PTPRE: variants seen among roughly 807,000 people sequenced by gnomAD.
The protein encoded by PTPRE is receptor-type tyrosine-protein phosphatase epsilon.
Under a neutral mutation model 102.0 loss-of-function variants are expected in PTPRE, and 51 were observed. The ratio of observed to expected loss-of-function variants is 0.50; its 90% CI spans 0.40 to 0.63. The LOEUF (loss-of-function observed/expected upper bound fraction) is 0.63. PTPRE is among the 30% of genes least tolerant of loss of function. The pLI, the probability that PTPRE is intolerant of heterozygous loss-of-function variation, is 0.00. For synonymous variants in PTPRE, 345 were observed against 348.2 expected, an observed-to-expected ratio of 0.99 and a Z score of 0.10; for missense variants, 752 against 915.1, an observed-to-expected ratio of 0.82 and a Z score of 2.30.
chr10:127,911,560 G>T (rs1432188814), intron 1 of PTPRE, among the ~76,000 whole-genome samples: 1 of 152,212 alleles, frequency 6.6e-6, no homozygotes, highest in Non-Finnish European at 1.5e-5. Flanking sequence ...ACTTCACTTT[G>T]CTTATCCAAA....
chr10:128,067,145 GCACA>G (rs71889727), intron 11 of PTPRE, among the ~76,000 whole-genome samples: 1 of 143,242 alleles, frequency 7.0e-6, no homozygotes, highest in African/African-American at 2.6e-5. Context: ...ACACACATGT[GCACA>G]CACACCCCAC....
chr10:128,063,436 GCCCC>G (rs1350422737), intron 10 of PTPRE, among the ~76,000 whole-genome samples: 1 of 152,138 alleles, frequency 6.6e-6, no homozygotes, highest in Non-Finnish European at 1.5e-5. Context: ...AGTAAGAGTG[GCCCC>G]CGGCTGGCCC....
intron 11 of PTPRE, among the ~76,000 whole-genome samples, chr10:128,067,329 CACAT>C (rs1449047355): frequency 5.5e-5 from 8 of 144,350 alleles, no homozygotes; most frequent in East Asian, 4.2e-4. Context: ...CATGTGCACA[CACAT>C]ACATCCACAC....
chr10:127,996,602 T>A (rs1214637779), intron 2 of PTPRE, among the ~76,000 whole-genome samples: 2 of 152,324 alleles, frequency 1.3e-5, no homozygotes, highest in East Asian at 3.9e-4. Context: ...CCCATCCAGC[T>A]AGTATGCCTC....
chr10:128,065,562 T>G (rs562203654), intron 10 of PTPRE, among the ~76,000 whole-genome samples: 8 of 152,260 alleles, frequency 5.3e-5, no homozygotes, highest in Non-Finnish European at 8.8e-5. Flanking sequence ...TAGAGAAAAA[T>G]GAAGATCGTT....
intron 1 of PTPRE, among the ~76,000 whole-genome samples, chr10:127,913,528 T>G (rs1485499669): frequency 6.6e-6 from 1 of 152,226 alleles, no homozygotes; most frequent in Non-Finnish European, 1.5e-5. Flanking sequence ...TTTGGCGTCC[T>G]CTCACTCCAG....
intron 20 of PTPRE, among the ~76,000 whole-genome samples, chr10:128,082,346 G>A (rs1851801332): frequency 6.6e-6 from 1 of 150,676 alleles, no homozygotes; most frequent in South Asian, 2.1e-4. Flanking sequence ...CAAGTAGCTG[G>A]GACTATGGGT....
At chr10:128,051,727 CA>C (rs1848580024) in intron 6 of PTPRE, among the ~76,000 whole-genome samples, 1 of 152,268 alleles carries the variant, frequency 6.6e-6, no homozygotes, top group African/African-American at 2.4e-5. Context: ...CTTGGCTGAA[CA>C]TTGGAGTCCT....
intron 17 of PTPRE, among the ~76,000 whole-genome samples, chr10:128,076,131 G>C (rs557991797): frequency 2.0e-4 from 30 of 152,314 alleles, no homozygotes; most frequent in African/African-American, 7.0e-4. Context: ...AAAGTGAAAA[G>C]ATATTTCTTC....
At chr10:127,921,358 T>C (rs879471747) in intron 1 of PTPRE, among the ~76,000 whole-genome samples, 7 of 151,950 alleles carry the variant, frequency 4.6e-5, no homozygotes, top group Admixed American at 1.3e-4. Context: ...AGACCAATAA[T>C]CCCCAAGACG....
chr10:128,000,250 T>A (rs540676765), intron 2 of PTPRE, among the ~76,000 whole-genome samples: 1 of 152,312 alleles, frequency 6.6e-6, no homozygotes, highest in African/African-American at 2.4e-5. Flanking sequence ...AATTGATACT[T>A]AACGTATAAG....
intron 1 of PTPRE, among the ~76,000 whole-genome samples, chr10:127,966,037 C>T (rs887593135): frequency 6.6e-6 from 1 of 152,260 alleles, no homozygotes. Flanking sequence ...TCATGACTCC[C>T]ACACTCACTG....
chr10:128,082,935 T>G lies in PTPRE; in HGVS notation c.*29T>G, dbSNP rs774318300. On this transcript the variant is annotated 3_prime_UTR_variant, in exon 21 of 21. Transcript: ENST00000254667. ...TTCCTGCCTTAAAATATTTTTTAAT[T>G]TAATGGTCAGTATATTTTGTAAAAA... 4.7e-6 allele frequency: 7 copies of G among 1,503,824 alleles called. No individual in the cohort carries two copies. The African/African-American group carries it at 1.0e-4, about 22-fold the overall frequency. The allele number at this position is 1,503,824 out of a possible 1,614,324, so 93.2% of individuals were successfully genotyped here. A position where few individuals can be genotyped will look rare whatever the true frequency, so the allele number is the denominator to read the frequency against.
chr10:127,967,301 TCC>T (rs1055992555), intron 1 of PTPRE, among the ~76,000 whole-genome samples: 2 of 152,204 alleles, frequency 1.3e-5, no homozygotes, highest in Non-Finnish European at 2.9e-5. Flanking sequence ...TTTGGCTGTG[TCC>T]CCACCCAAAT....
At chr10:128,061,089 C>G (rs1849549951) in intron 8 of PTPRE, 74 bp downstream of exon 8, 1 of 1,454,908 alleles carries the variant, frequency 6.9e-7, no homozygotes, top group African/African-American at 1.4e-5. Flanking sequence ...TGTCTGGTGC[C>G]CGGAGTGTAA....
At chr10:128,015,877 G>C (rs1845383232) in intron 2 of PTPRE, among the ~76,000 whole-genome samples, 1 of 152,222 alleles carries the variant, frequency 6.6e-6, no homozygotes, top group African/African-American at 2.4e-5. Flanking sequence ...ACTGTATGCT[G>C]TTCTGCAGTC....
chr10:127,915,075 G>A (rs758567220), intron 1 of PTPRE, among the ~76,000 whole-genome samples: 7 of 152,132 alleles, frequency 4.6e-5, no homozygotes, highest in South Asian at 2.1e-4. Flanking sequence ...CCAACAAAAC[G>A]TTGCCTTCCG....
chr10:127,975,808 T>C (rs1350706800), intron 1 of PTPRE, among the ~76,000 whole-genome samples: 1 of 152,134 alleles, frequency 6.6e-6, no homozygotes, highest in African/African-American at 2.4e-5. Flanking sequence ...GCGAGGCAGG[T>C]AGAGGGGAGT....
At chr10:128,069,369 T>C (rs1850557013) in intron 12 of PTPRE, 1 of 253,880 alleles carries the variant, frequency 3.9e-6, no homozygotes, top group South Asian at 8.7e-5. Flanking sequence ...GGGGGACAGA[T>C]CTAGGATGCC....
Sources: gnomAD v4.1 joint callset for allele counts (sites outside exome capture counted in the v4.1 genomes callset) on GRCh38, gnomAD v4.1.1 for gene constraint, MANE v1.5 for transcripts, NCBI Gene and HGNC (gene_info 2026-07-23, HGNC 2026-07-21) for gene names.